Variants in SEMA5A observed in about 807,000 individuals in gnomAD.
SEMA5A encodes the protein semaphorin-5A.
SEMA5A carries 55 observed loss-of-function variants against 135.5 expected under a neutral mutation model. The ratio of observed to expected loss-of-function variants is 0.41; its 90% CI spans 0.33 to 0.51. SEMA5A has a LOEUF of 0.51. Among genes scored for constraint, SEMA5A ranks in the 20% least tolerant of loss-of-function variants. The probability of loss-of-function intolerance (pLI) is 0.37; values close to 1 mark genes in which losing one functional copy is unlikely to be tolerated. For synonymous variants in SEMA5A, 580 were observed against 546.5 expected (o/e 1.06, Z -0.85); for missense variants, 1,290 against 1,419.9 (o/e 0.91, Z 1.47).
At chr5:9,276,436 C>A (rs539079359) in intron 5 of SEMA5A, among the ~76,000 whole-genome samples, 2 of 152,162 alleles carry the variant, frequency 1.3e-5, no homozygotes, top group Non-Finnish European at 2.9e-5. Context: ...CATTGACTTT[C>A]CTCACAGAAT....
intron 16 of SEMA5A, among the ~76,000 whole-genome samples, chr5:9,085,390 G>A (rs543811178): frequency 1.3e-5 from 2 of 152,274 alleles, no homozygotes; most frequent in South Asian, 4.1e-4. Context: ...TACCTGGGCT[G>A]GGCCCGGGGT....
At chr5:9,060,288 A>C (rs1476592549) in intron 18 of SEMA5A, among the ~76,000 whole-genome samples, 1 of 152,236 alleles carries the variant, frequency 6.6e-6, no homozygotes, top group Non-Finnish European at 1.5e-5. Context: ...AACTAAAATG[A>C]GAGCAACCAA....
At chr5:9,186,147 C>G (rs1196844532) in intron 11 of SEMA5A, among the ~76,000 whole-genome samples, 5 of 152,142 alleles carry the variant, frequency 3.3e-5, no homozygotes, top group Non-Finnish European at 7.3e-5. Flanking sequence ...AACCAACTTA[C>G]AAAATATTAG....
intron 1 of SEMA5A, among the ~76,000 whole-genome samples, chr5:9,449,015 C>T (rs1758536796): frequency 6.6e-6 from 1 of 152,206 alleles, no homozygotes; most frequent in Non-Finnish European, 1.5e-5. Flanking sequence ...GTGGCGATTC[C>T]TCAAAGACCT....
chr5:9,197,779 TG>T lies in SEMA5A; in HGVS notation c.933-477del, dbSNP rs1561011346. Among the ~76,000 whole-genome samples, 520 of 118,230 alleles carry T rather than the reference TG, an allele frequency of 4.4e-3. 2 individuals carry two copies. The highest frequency in any genetic ancestry group is 7.1e-3 in the South Asian group (25 of 3,542). The allele number at this position is 118,230 out of a possible 152,430, so 77.6% of individuals were successfully genotyped here. On this transcript the variant is annotated intron_variant, in intron 9 of 22. Transcript: ENST00000382496. ...GTGTGTGTGTGTGTGTGTGTGTGTGTGTGTGTTTTAACCCAGATATTTGTTT... is the reference window on the plus strand; with the variant it reads ...GTGTGTGTGTGTGTGTGTGTGTGTGTTGTGTTTTAACCCAGATATTTGTTT...
At chr5:9,379,486 T>C (rs755813545) in intron 3 of SEMA5A, among the ~76,000 whole-genome samples, 2 of 152,204 alleles carry the variant, frequency 1.3e-5, no homozygotes, top group Non-Finnish European at 2.9e-5. Context: ...TTTTAGGCTT[T>C]CCTTGGTTTT....
intron 22 of SEMA5A, 191 bp from the exon 23 acceptor site, chr5:9,043,207 G>A: frequency 1.9e-6 from 1 of 515,854 alleles, no homozygotes; most frequent in East Asian, 3.4e-5. Context: ...ACCAGAATAA[G>A]GTTGGCAGTT....
At chr5:9,202,368 T>TTTTTTAA in intron 8 of SEMA5A, 128 bp from the exon 9 acceptor site, 3 of 890,930 alleles carry the variant, frequency 3.4e-6, no homozygotes, top group South Asian at 1.8e-5. Flanking sequence ...TATAGGACTA[T>TTTTTTAA]TGGGAGGCCC....
At chr5:9,330,368 C>T (rs1338345618) in intron 4 of SEMA5A, among the ~76,000 whole-genome samples, 5 of 146,268 alleles carry the variant, frequency 3.4e-5, no homozygotes, top group Non-Finnish European at 7.4e-5. Context: ...CCAGCCTGGG[C>T]GACAGAGCGA....
At chr5:9,129,747 A>G (rs1474810407) in intron 13 of SEMA5A, among the ~76,000 whole-genome samples, 2 of 152,286 alleles carry the variant, frequency 1.3e-5, no homozygotes, top group Non-Finnish European at 2.9e-5. Context: ...TGAGACATAT[A>G]CCATGTAGTG....
chr5:9,202,526 T>C (rs1339276414), intron 8 of SEMA5A, among the ~76,000 whole-genome samples: 1 of 152,180 alleles, frequency 6.6e-6, no homozygotes, highest in Non-Finnish European at 1.5e-5. Context: ...CCAACAAAAA[T>C]TGGCAGCAAA....
At chr5:9,062,683 G>A (rs1274769504) in intron 18 of SEMA5A, among the ~76,000 whole-genome samples, 1 of 152,148 alleles carries the variant, frequency 6.6e-6, no homozygotes, top group Admixed American at 6.5e-5. Flanking sequence ...CCAGCCTTGA[G>A]TTCTTAGGCT....
intron 2 of SEMA5A, among the ~76,000 whole-genome samples, chr5:9,385,019 C>T (rs1308072489): frequency 2.0e-5 from 3 of 152,104 alleles, no homozygotes; most frequent in African/African-American, 4.8e-5. Flanking sequence ...AAATATATTA[C>T]GTGAGTTAAT....
intron 1 of SEMA5A, among the ~76,000 whole-genome samples, chr5:9,472,210 T>A (rs1040182788): frequency 3.3e-5 from 5 of 152,196 alleles, no homozygotes; most frequent in African/African-American, 1.2e-4. Flanking sequence ...CTGGGAAATA[T>A]TTCCTCCACC....
intron 15 of SEMA5A, among the ~76,000 whole-genome samples, chr5:9,117,692 G>C (rs1220837068): frequency 6.6e-6 from 1 of 152,094 alleles, no homozygotes; most frequent in Non-Finnish European, 1.5e-5. Context: ...GAAGCATATT[G>C]GGTTTCAGAT....
At chr5:9,352,984 A>G (rs1340749367) in intron 3 of SEMA5A, among the ~76,000 whole-genome samples, 1 of 151,544 alleles carries the variant, frequency 6.6e-6, no homozygotes, top group African/African-American at 2.4e-5. Flanking sequence ...AATATGTATT[A>G]CAGATAATTA....
intron 13 of SEMA5A, among the ~76,000 whole-genome samples, chr5:9,124,780 G>A (rs953147259): frequency 9.2e-5 from 14 of 152,244 alleles, no homozygotes; most frequent in Admixed American, 2.6e-4. Context: ...TATTAATATG[G>A]AAACTTCAGC....
At chr5:9,428,657 T>C (rs983929401) in intron 2 of SEMA5A, among the ~76,000 whole-genome samples, 1 of 152,220 alleles carries the variant, frequency 6.6e-6, no homozygotes, top group Non-Finnish European at 1.5e-5. Flanking sequence ...CAGTGAAGAC[T>C]ATTTGAGAAA....
At chr5:9,401,761 A>C (rs1756668984) in intron 2 of SEMA5A, among the ~76,000 whole-genome samples, 1 of 152,192 alleles carries the variant, frequency 6.6e-6, no homozygotes, top group Non-Finnish European at 1.5e-5. Flanking sequence ...TTCCTTAAAA[A>C]ATTTAAAGAT....
Sources: allele counts gnomAD v4.1 joint callset (sites outside exome capture counted in the v4.1 genomes callset), GRCh38; gene constraint gnomAD v4.1.1; transcripts MANE v1.5; gene names NCBI Gene and HGNC (gene_info 2026-07-23, HGNC 2026-07-21).